Variants in CACUL1 observed in about 807,000 individuals in gnomAD.
The protein encoded by CACUL1 is CDK2-associated and cullin domain-containing protein 1.
A neutral mutation model predicts 45.2 loss-of-function variants in CACUL1; 13 were observed. That is an observed-to-expected ratio of 0.29 (90% CI 0.19 to 0.46). The LOEUF (loss-of-function observed/expected upper bound fraction) is 0.46, where lower values mean the gene tolerates loss of function less well. CACUL1 is among the 20% of genes least tolerant of loss of function. CACUL1 has a pLI of 1.00. For missense variants in CACUL1, 421 were observed against 471.4 expected, an observed-to-expected ratio of 0.89 and a Z score of 0.99; for synonymous variants, 197 against 174.2, an observed-to-expected ratio of 1.13 and a Z score of -1.03.
Position 118,683,632 on chromosome 10 carries a change from T to A in CACUL1, c.*2496A>T, listed in dbSNP as rs569371001. On this transcript the variant is annotated 3_prime_UTR_variant, in exon 9 of 9. Transcript: ENST00000369151. ...ATCACTTGAACCCAGGAGGCAGAGG[T>A]TGCAGTGAGCTGAGATTGCACCACT... is the stretch of plus-strand genomic sequence containing the variant. The A allele has an allele frequency of 6.6e-6, 1 of 152,136 alleles. No individual in the cohort carries two copies. Among genetic ancestry groups the A allele is most frequent in the East Asian group, 1.9e-4 (1 of 5,174 alleles). 9.4% of individuals were successfully genotyped at this position (152,136 alleles called of 1,614,324 possible). A position where few individuals can be genotyped will look rare whatever the true frequency, so the allele number is the denominator to read the frequency against.
intron 3 of CACUL1, among the ~76,000 whole-genome samples, chr10:118,711,913 GA>G (rs78750479): frequency 3.9e-5 from 6 of 151,934 alleles, no homozygotes; most frequent in East Asian, 1.9e-4. Context: ...TGTCATTTAA[GA>G]AAAAAAACCT....
Position 118,754,967 on chromosome 10 carries a change from C to T in CACUL1, c.-205G>A, listed in dbSNP as rs1002104873. Reference sequence around the variant, plus strand: ...GCTGACGGCGGTGGGCGCTCCGGGGCTCTAGTCTGGGAGAGGCAGCCGTAA... The same window carrying T: ...GCTGACGGCGGTGGGCGCTCCGGGGTTCTAGTCTGGGAGAGGCAGCCGTAA... On this transcript the variant is annotated 5_prime_UTR_variant, in exon 1 of 9. Coordinates refer to ENST00000369151, the MANE Select transcript of CACUL1 (RefSeq NM_153810.5). 1.7e-6 allele frequency: 1 copy of T among 594,376 alleles called. No homozygotes were observed. The highest frequency in any genetic ancestry group is 2.7e-6 in the Non-Finnish European group (1 of 368,962). The allele number at this position is 594,376 out of a possible 1,614,324, so 36.8% of individuals were successfully genotyped here. A position where few individuals can be genotyped will look rare whatever the true frequency, so the allele number is the denominator to read the frequency against.
At chr10:118,738,318 C>T (rs1282125336) in intron 1 of CACUL1, among the ~76,000 whole-genome samples, 1 of 152,118 alleles carries the variant, frequency 6.6e-6, no homozygotes, top group Non-Finnish European at 1.5e-5. Context: ...ACTCTGAGAC[C>T]TAGAAACATT....
At position 118,691,349 on chromosome 10, in the gene CACUL1, G is replaced by A; in HGVS notation, c.941C>T (p.Pro314Leu). 1 of 1,612,410 alleles carries A rather than the reference G, an allele frequency of 6.2e-7. No individual in the cohort carries two copies. ...LFSKFIPNILPPAVESELSEY... is the reference protein window; with the variant it reads ...LFSKFIPNILLPAVESELSEY... Reference sequence around the variant, plus strand: ...AGAAAGTTCAGATTCCACCGCCGGAGGGAGAATGTTTGGAATAAATTTAGA... The same window carrying A: ...AGAAAGTTCAGATTCCACCGCCGGAAGGAGAATGTTTGGAATAAATTTAGA... The change falls in exon 7 of 9, where the codon CCT becomes CTT. Residue 314 changes from proline to leucine, a missense_variant. Pro to Leu is a moderately conservative substitution (Grantham distance 98). This residue lies in a region of CACUL1 where 208 missense variants were observed against 298.4 expected (regional missense o/e 0.70). Transcript: ENST00000369151.
chr10:118,736,097 A>G (rs930644215), intron 1 of CACUL1, among the ~76,000 whole-genome samples: 2 of 152,312 alleles, frequency 1.3e-5, no homozygotes, highest in African/African-American at 4.8e-5. Context: ...AACTCTTCCA[A>G]GTGTTGGACT....
chr10:118,710,761 A>G (rs1168576479), intron 3 of CACUL1, among the ~76,000 whole-genome samples: 3 of 152,212 alleles, frequency 2.0e-5, no homozygotes, highest in Non-Finnish European at 4.4e-5. Context: ...ATAGTAGATA[A>G]AGAATGCATT....
intron 1 of CACUL1, among the ~76,000 whole-genome samples, chr10:118,733,826 A>G (rs1034564608): frequency 6.8e-6 from 1 of 147,392 alleles, no homozygotes; most frequent in African/African-American, 2.5e-5. Flanking sequence ...ACACTGGGAA[A>G]CATGGTAAGA....
intron 3 of CACUL1, among the ~76,000 whole-genome samples, chr10:118,710,438 C>T (rs549738912): frequency 6.6e-6 from 1 of 152,260 alleles, no homozygotes; most frequent in African/African-American, 2.4e-5. Flanking sequence ...AACTTCTCAA[C>T]GTAGGGCACA....
In CACUL1 at chr10:118,754,607, A is replaced by C. The variant is rs1318663584; in HGVS notation, c.156T>G (p.Pro52=). The C allele has an allele frequency of 2.4e-5, 38 of 1,608,018 alleles. No individual in the cohort carries two copies. The highest frequency in any genetic ancestry group is 3.1e-5 in the Non-Finnish European group (37 of 1,177,600). ...PSSIPAPARE[P]PGGQLLAVPA... ...GCACCGCCAGCAGCTGCCCCCCCGG[A>C]GGCTCTCGGGCAGGGGCCGGGATCG... Residue 52 remains proline, a synonymous_variant, in exon 1 of 9, where the codon CCT becomes CCG. Coordinates refer to ENST00000369151, the MANE Select transcript of CACUL1 (RefSeq NM_153810.5).
At chr10:118,737,554 T>G (rs1469693950) in intron 1 of CACUL1, among the ~76,000 whole-genome samples, 2 of 152,130 alleles carry the variant, frequency 1.3e-5, no homozygotes, top group Non-Finnish European at 2.9e-5. Context: ...TCAAATGAAG[T>G]GCCTCGTCCC....
chr10:118,732,421 T>C (rs1845706488), intron 1 of CACUL1, among the ~76,000 whole-genome samples: 2 of 152,188 alleles, frequency 1.3e-5, no homozygotes, highest in Admixed American at 6.5e-5. Flanking sequence ...GCATAGCAGA[T>C]ACTGTTGGTG....
At chr10:118,692,049 G>T (rs1275573235) in intron 6 of CACUL1, among the ~76,000 whole-genome samples, 2 of 151,928 alleles carry the variant, frequency 1.3e-5, no homozygotes, top group Non-Finnish European at 1.5e-5. Flanking sequence ...AGTGGGAGGG[G>T]ACTTGGTGTA....
intron 5 of CACUL1, among the ~76,000 whole-genome samples, chr10:118,700,022 A>G (rs2119571705): frequency 6.6e-6 from 1 of 152,166 alleles, no homozygotes; most frequent in East Asian, 1.9e-4. Context: ...AATGAAATGT[A>G]TATTATCTTC....
chr10:118,687,113 C>G (rs750072370), intron 7 of CACUL1, among the ~76,000 whole-genome samples: 14 of 152,144 alleles, frequency 9.2e-5, no homozygotes, highest in Non-Finnish European at 2.1e-4. Flanking sequence ...CATTCCTGAC[C>G]TTACCTCACC....
rs190094537 is a variant in CACUL1, at chr10:118,679,959, G to A, written c.*6169C>T. On this transcript the variant is annotated 3_prime_UTR_variant, in exon 9 of 9. Coordinates refer to ENST00000369151, the MANE Select transcript of CACUL1 (RefSeq NM_153810.5). The stretch of plus-strand genomic sequence containing the variant: ...GAGCCACTTTTTCTTTACATATTTT[G>A]AGGTATACTATTAGACATGTAGGTA... The A allele has an allele frequency of 1.3e-5, 2 of 152,110 alleles. No individual in the cohort carries two copies. Among genetic ancestry groups the A allele is most frequent in the Non-Finnish European group, 2.9e-5 (2 of 67,992 alleles). 9.4% of individuals were successfully genotyped at this position (152,110 alleles called of 1,614,324 possible).
At chr10:118,742,680 C>T (rs569775256) in intron 1 of CACUL1, among the ~76,000 whole-genome samples, 5 of 152,202 alleles carry the variant, frequency 3.3e-5, no homozygotes, top group Admixed American at 6.5e-5. Context: ...ACTAACTTTA[C>T]TTGATTAAAG....
rs1309283863 is a variant in CACUL1, at chr10:118,684,403, A to T, written c.*1725T>A. ...GAATGGAATTCTCCTTGATACTAGAATGTTACCAGTGTAGCAACTTAAACT... is the reference window on the plus strand; with the variant it reads ...GAATGGAATTCTCCTTGATACTAGATTGTTACCAGTGTAGCAACTTAAACT... On this transcript the variant is annotated 3_prime_UTR_variant, in exon 9 of 9. Coordinates refer to ENST00000369151, the MANE Select transcript of CACUL1 (RefSeq NM_153810.5). The T allele has an allele frequency of 6.6e-6, 1 of 152,208 alleles. No individual in the cohort carries two copies. The highest frequency in any genetic ancestry group is 1.5e-5 in the Non-Finnish European group (1 of 68,024). The allele number at this position is 152,208 out of a possible 1,614,324, so 9.4% of individuals were successfully genotyped here.
chr10:118,724,897 G>C (rs189257087), intron 3 of CACUL1, among the ~76,000 whole-genome samples: 15 of 152,238 alleles, frequency 9.9e-5, no homozygotes, highest in Admixed American at 3.3e-4. Flanking sequence ...ACCTCAGTAT[G>C]AGGTATCTAT....
intron 4 of CACUL1, among the ~76,000 whole-genome samples, chr10:118,701,914 T>TA (rs1845383589): frequency 6.6e-6 from 1 of 152,016 alleles, no homozygotes; most frequent in Admixed American, 6.5e-5. Flanking sequence ...CAAGCAGACT[T>TA]AGAGAAATTG....
Sources: gnomAD v4.1 joint callset for allele counts (sites outside exome capture counted in the v4.1 genomes callset) on GRCh38, gnomAD v4.1.1 for gene constraint, gnomAD v4.1.1 regional missense constraint, MANE v1.5 for transcripts, NCBI Gene and HGNC (gene_info 2026-07-23, HGNC 2026-07-21) for gene names.